The following LRPPRC variants were observed in gnomAD, a reference collection of about 807,000 sequenced individuals.
LRPPRC encodes the protein leucine-rich PPR motif-containing protein, mitochondrial.
Under a neutral mutation model 180.3 loss-of-function variants are expected in LRPPRC, and 120 were observed. The ratio of observed to expected loss-of-function variants is 0.67; its 90% CI spans 0.57 to 0.77. The LOEUF is 0.77. LRPPRC is among the 30% of genes least tolerant of loss of function. LRPPRC has a pLI of 0.00. For missense variants in LRPPRC, 2,012 were observed against 1,657.2 expected (o/e 1.21, Z -3.72); for synonymous variants, 723 against 600.0 (o/e 1.21, Z -3.00).
Position 43,956,478 on chromosome 2 carries a change from C to CGTGTGTGTGTGTGTGTGTGTGTGTGTGT in LRPPRC, c.1649+879_1649+906dup, listed in dbSNP as rs56919652. ...AGTGGTTCAGCCAAAAAGAAAAAAA[C>CGTGTGTGTGTGTGTGTGTGTGTGTGTGT]GTGTGTGTGTGTGTGTGTGTGTGTG... is the stretch of plus-strand genomic sequence containing the variant. On this transcript the variant is annotated intron_variant, in intron 14 of 37. Transcript: ENST00000260665. 7.0e-4 allele frequency among the ~76,000 whole-genome samples: 100 copies of CGTGTGTGTGTGTGTGTGTGTGTGTGTGT among 142,562 alleles called. 6 individuals carry two copies. The highest frequency in any genetic ancestry group is 6.1e-3 in the Admixed American group (85 of 13,928). 93.5% of individuals were successfully genotyped at this position (142,562 alleles called of 152,430 possible).
At chr2:43,948,245 A>T in intron 17 of LRPPRC, 46 bp from the exon 18 acceptor site, 1 of 1,085,892 alleles carries the variant, frequency 9.2e-7, no homozygotes. Context: ...GTTTTAGACA[A>T]CCAAACTGAA....
chr2:43,897,887 T>C (rs1369389809), intron 34 of LRPPRC, among the ~76,000 whole-genome samples: 2 of 152,168 alleles, frequency 1.3e-5, no homozygotes, highest in Non-Finnish European at 2.9e-5. Context: ...ACTGATTGCA[T>C]ACCATCATGT....
intron 18 of LRPPRC, 116 bp downstream of exon 18, chr2:43,948,006 C>T (rs971973770): frequency 2.7e-5 from 20 of 749,796 alleles, no homozygotes; most frequent in Non-Finnish European, 4.7e-5. Context: ...GTTTTAATGG[C>T]TGTCATTGAA....
At chr2:43,947,232 AT>A in intron 20 of LRPPRC, 24 bp downstream of exon 20, 4 of 1,184,808 alleles carry the variant, frequency 3.4e-6, no homozygotes, top group Non-Finnish European at 4.9e-6. Flanking sequence ...CCTTAATAAT[AT>A]TTAAATATTA....
In LRPPRC at chr2:43,918,364, G is replaced by C. The variant is rs1000809178; in HGVS notation, c.2931C>G (p.Val977=). ...CATTTTCTTCTTGGATTTTATTCCAGACTGCATCAGCTCTTTGCCAGTCAC... is the reference window on the plus strand; with the variant it reads ...CATTTTCTTCTTGGATTTTATTCCACACTGCATCAGCTCTTTGCCAGTCAC... ...INGDWQRADA[V]WNKIQEENVI... The change falls in exon 28 of 38, where the codon GTC becomes GTG. Residue 977 remains valine, a synonymous_variant. Transcript: ENST00000260665. The C allele has an allele frequency of 6.2e-7, 1 of 1,610,696 alleles. No homozygotes were observed. The highest frequency in any genetic ancestry group is 1.3e-5 in the African/African-American group (1 of 74,956).
chr2:43,918,864 TATAG>T (rs567455477), intron 27 of LRPPRC, among the ~76,000 whole-genome samples: 85 of 149,094 alleles, frequency 5.7e-4, no homozygotes, highest in Admixed American at 1.5e-3. Context: ...TATATATAGA[TATAG>T]ATAGATAGAT....
At chr2:43,967,096 T>C (rs1673593107) in intron 11 of LRPPRC, among the ~76,000 whole-genome samples, 1 of 151,632 alleles carries the variant, frequency 6.6e-6, no homozygotes, top group African/African-American at 2.4e-5. Context: ...GACTTCACAA[T>C]GTGTACACAT....
chr2:43,979,411 C>G (rs577922344), intron 3 of LRPPRC, among the ~76,000 whole-genome samples: 55 of 152,206 alleles, frequency 3.6e-4, no homozygotes, highest in African/African-American at 1.2e-3. Flanking sequence ...AATTTATTTA[C>G]CTAATCCCCT....
rs748133901 is a variant in LRPPRC, at chr2:43,976,130, G to C, written c.737+13C>G. ...CTATCACTTAAGAACCAAAACCTTA[G>C]GTTGAACATTACCCAGCTCTGGCAT... On this transcript the variant is annotated intron_variant, in intron 6 of 37. Transcript: ENST00000260665. 3 of 1,555,880 alleles carry C rather than the reference G, an allele frequency of 1.9e-6. No individual in the cohort carries two copies. The highest frequency in any genetic ancestry group is 2.7e-6 in the Non-Finnish European group (3 of 1,127,050).
intron 23 of LRPPRC, among the ~76,000 whole-genome samples, chr2:43,942,019 G>A (rs1168535985): frequency 6.6e-6 from 1 of 152,016 alleles, no homozygotes; most frequent in African/African-American, 2.4e-5. Context: ...TCTGACTTCA[G>A]GATATAATCA....
chr2:43,936,945 T>C (rs888951945), intron 23 of LRPPRC, among the ~76,000 whole-genome samples: 15 of 152,208 alleles, frequency 9.9e-5, no homozygotes, highest in Non-Finnish European at 1.9e-4. Context: ...TGCCTTTCTA[T>C]AACTCTGCTT....
At chr2:43,913,098 G>A (rs1671322397) in intron 29 of LRPPRC, among the ~76,000 whole-genome samples, 3 of 152,088 alleles carry the variant, frequency 2.0e-5, no homozygotes, top group Non-Finnish European at 2.9e-5. Context: ...ATTTGGCTAC[G>A]ACAGGACTTA....
At chr2:43,921,492 G>C (rs1484390514) in intron 27 of LRPPRC, among the ~76,000 whole-genome samples, 1 of 151,698 alleles carries the variant, frequency 6.6e-6, no homozygotes, top group Non-Finnish European at 1.5e-5. Context: ...TAGAAATGTA[G>C]AATGTGAAAC....
In LRPPRC at chr2:43,887,191, T is replaced by C. The variant is rs1670299695; in HGVS notation, c.*1409A>G. 7.0e-6 allele frequency: 1 copy of C among 142,708 alleles called. No homozygotes were observed. The allele number at this position is 142,708 out of a possible 1,614,324, so 8.8% of individuals were successfully genotyped here. ...ATGCTTTTGGCAAACCTGTAACATG[T>C]GCAGGTCCTGCATCTGGGCAGTGCT... On this transcript the variant is annotated 3_prime_UTR_variant, in exon 38 of 38. Transcript: ENST00000260665.
chr2:43,916,950 GAAAA>G (rs763964823), intron 29 of LRPPRC, among the ~76,000 whole-genome samples: 3 of 118,144 alleles, frequency 2.5e-5, no homozygotes, highest in South Asian at 2.7e-4. Context: ...TCTCCGGGGG[GAAAA>G]AAAAAAAAAA....
In LRPPRC at chr2:43,974,686, T is replaced by C. The variant is rs367910165; in HGVS notation, c.937A>G (p.Ser313Gly). Residue 313 changes from serine to glycine, a missense_variant, in exon 8 of 38, where the codon AGT (serine) becomes GGT (glycine). Physicochemically the swap from Ser to Gly is moderately conservative, Grantham distance 56. Transcript: ENST00000260665. ...RDLLQIIFSF[S>G]KAGYPQYVSE... ...ACATACTGAGGATACCCAGCTTTAC[T>C]GAAGCTAAAAATAATTTGCAGTAAA... 1.2e-6 allele frequency: 2 copies of C among 1,613,098 alleles called. No homozygotes were observed. The highest frequency in any genetic ancestry group is 1.7e-6 in the Non-Finnish European group (2 of 1,179,216).
chr2:43,898,376 AAT>A (rs991015491), intron 34 of LRPPRC, among the ~76,000 whole-genome samples: 1 of 152,192 alleles, frequency 6.6e-6, no homozygotes, highest in Non-Finnish European at 1.5e-5. Flanking sequence ...AATGTAAGGG[AAT>A]ATAATACTAT....
At chr2:43,982,146 G>A (rs1346894669) in intron 2 of LRPPRC, 92 bp downstream of exon 2, 9 of 829,372 alleles carry the variant, frequency 1.1e-5, no homozygotes, top group East Asian at 5.2e-5. Flanking sequence ...GGCCTCAAGC[G>A]ATCTACCTGC....
chr2:43,936,330 A>G (rs996781400), intron 23 of LRPPRC, among the ~76,000 whole-genome samples: 3 of 152,182 alleles, frequency 2.0e-5, no homozygotes, highest in African/African-American at 7.2e-5. Flanking sequence ...GAATAATGTA[A>G]TAAAGTGGTG....
Sources: gnomAD v4.1 joint callset for allele counts (sites outside exome capture counted in the v4.1 genomes callset) on GRCh38, gnomAD v4.1.1 for gene constraint, MANE v1.5 for transcripts, NCBI Gene and HGNC (gene_info 2026-07-23, HGNC 2026-07-21) for gene names.